HTT: variants seen among roughly 807,000 people sequenced by gnomAD.
The protein encoded by HTT is huntington disease protein.
A neutral mutation model predicts 362.3 loss-of-function variants in HTT; 104 were observed. That is an observed-to-expected ratio of 0.29 (90% CI 0.24 to 0.34). The LOEUF (loss-of-function observed/expected upper bound fraction) is 0.34, where lower values mean the gene tolerates loss of function less well. Ranked by LOEUF, HTT falls within the 10% of genes least tolerant of loss-of-function variation. The probability of loss-of-function intolerance (pLI) is 1.00; values close to 1 mark genes in which losing one functional copy is unlikely to be tolerated. For missense variants in HTT, 3,301 were observed against 3,928.6 expected, an observed-to-expected ratio of 0.84 and a Z score of 4.27; for synonymous variants, 1,577 against 1,548.7, an observed-to-expected ratio of 1.02 and a Z score of -0.43.
chr4:3,216,124 A>G (rs1720386119), intron 51 of HTT, among the ~76,000 whole-genome samples: 1 of 152,136 alleles, frequency 6.6e-6, no homozygotes, highest in Non-Finnish European at 1.5e-5. Context: ...CTTTTGTGCA[A>G]TCCTGGTTGT....
chr4:3,233,321 C>T lies in HTT; in HGVS notation c.8424C>T (p.Asp2808=). The change falls in exon 61 of 67, where the codon GAC becomes GAT. Residue 2808 remains aspartate (D), a synonymous_variant. Transcript: ENST00000355072. ...AGCAGCTCATCCCGGTCATCAGCGA[C>T]TATCTCCTCTCCAACCTGAAAGGGA... ...TAKQLIPVIS[D]YLLSNLKGIA... is the part of the protein sequence containing the mutation. The T allele has an allele frequency of 6.2e-7, 1 of 1,607,782 alleles. No individual in the cohort carries two copies. The highest frequency in any genetic ancestry group is 8.5e-7 in the Non-Finnish European group (1 of 1,175,472).
intron 2 of HTT, among the ~76,000 whole-genome samples, chr4:3,096,299 CAAT>C (rs1283440969): frequency 2.6e-5 from 4 of 152,212 alleles, no homozygotes; most frequent in Non-Finnish European, 5.9e-5. Flanking sequence ...TAGCCGCTCT[CAAT>C]GATTTGTAGA....
Position 3,157,188 on chromosome 4 carries a change from G to A in HTT, c.3742G>A (p.Ala1248Thr), listed in dbSNP as rs376975573. The A allele has an allele frequency of 4.6e-5, 74 of 1,613,058 alleles. No homozygotes were observed. Among genetic ancestry groups the A allele is most frequent in the East Asian group, 2.9e-4 (13 of 44,846 alleles). The stretch of plus-strand genomic sequence containing the variant: ...GCATGATGTCCTGAAAGCTACACAC[G>A]CTAACTACAAGGTATGGGCCTCTGC... ...KLHDVLKATH[A>T]NYKVTLDLQN... The change falls in exon 28 of 67, where the codon GCT becomes ACT. Residue 1248 changes from alanine (A) to threonine (T), a missense_variant. Coordinates refer to ENST00000355072, the MANE Select transcript of HTT (RefSeq NM_001388492.1).
At chr4:3,080,086 C>T (rs1712807583) in intron 1 of HTT, among the ~76,000 whole-genome samples, 1 of 152,042 alleles carries the variant, frequency 6.6e-6, no homozygotes, top group Admixed American at 6.5e-5. Context: ...GTTAAGGAAC[C>T]CAGGCTCTTT....
intron 2 of HTT, among the ~76,000 whole-genome samples, chr4:3,095,726 A>G (rs1431236409): frequency 1.3e-5 from 2 of 152,242 alleles, no homozygotes; most frequent in Admixed American, 1.3e-4. Flanking sequence ...TGATGAAGAT[A>G]CATAGTATAA....
chr4:3,213,822 T>C lies in HTT; in HGVS notation c.6775-136T>C. The stretch of plus-strand genomic sequence containing the variant: ...GAATGTAATGGAGCCATGTCAGAGC[T>C]GTCCTTCTGGAAGGGCAAGGGCACC... On this transcript the variant is annotated intron_variant, in intron 49 of 66. Transcript: ENST00000355072. 6.2e-6 allele frequency: 4 copies of C among 641,488 alleles called. No individual in the cohort carries two copies. In the South Asian group the frequency reaches 7.8e-5, roughly 12 times the overall value. 39.7% of individuals were successfully genotyped at this position (641,488 alleles called of 1,614,324 possible).
chr4:3,222,163 A>C (rs1031027877), intron 53 of HTT, among the ~76,000 whole-genome samples: 2 of 152,138 alleles, frequency 1.3e-5, no homozygotes, highest in African/African-American at 4.8e-5. Context: ...CCTGCCTCTC[A>C]TGTGTCTCGG....
At chr4:3,120,648 A>C (rs1262095479) in intron 8 of HTT, among the ~76,000 whole-genome samples, 2 of 152,218 alleles carry the variant, frequency 1.3e-5, no homozygotes, top group African/African-American at 4.8e-5. Flanking sequence ...TGAGGGGTCT[A>C]GGTTGTGCGC....
chr4:3,108,208 A>G (rs1200575760), intron 6 of HTT, among the ~76,000 whole-genome samples: 1 of 152,250 alleles, frequency 6.6e-6, no homozygotes, highest in Admixed American at 6.5e-5. Flanking sequence ...AAGGGCTTAG[A>G]TGTTAGCTGC....
chr4:3,166,630 C>G (rs1426878289), intron 29 of HTT, among the ~76,000 whole-genome samples: 1 of 152,372 alleles, frequency 6.6e-6, no homozygotes, highest in South Asian at 2.1e-4. Flanking sequence ...ACCACCTACT[C>G]TAGCCTCAGC....
At chr4:3,221,051 A>G (rs1421738079) in intron 53 of HTT, among the ~76,000 whole-genome samples, 3 of 152,152 alleles carry the variant, frequency 2.0e-5, no homozygotes, top group Non-Finnish European at 4.4e-5. Context: ...GTGGGACTGT[A>G]ATCAGTCAGT....
At chr4:3,077,145 T>G (rs891161495) in intron 1 of HTT, among the ~76,000 whole-genome samples, 1 of 152,126 alleles carries the variant, frequency 6.6e-6, no homozygotes, top group Non-Finnish European at 1.5e-5. Flanking sequence ...GCCACTGCAC[T>G]CCAGCCTGGG....
intron 1 of HTT, among the ~76,000 whole-genome samples, chr4:3,078,109 C>T (rs940419302): frequency 6.6e-6 from 1 of 152,206 alleles, no homozygotes; most frequent in African/African-American, 2.4e-5. Flanking sequence ...TGGCTGCAGG[C>T]TCAGCAAATC....
chr4:3,077,193 T>A (rs1394226303), intron 1 of HTT, among the ~76,000 whole-genome samples: 1 of 152,070 alleles, frequency 6.6e-6, no homozygotes, highest in Non-Finnish European at 1.5e-5. Flanking sequence ...AAATTTTTTT[T>A]AATGTATTAT....
chr4:3,207,916 T>G (rs1719943310), intron 45 of HTT, among the ~76,000 whole-genome samples: 1 of 151,988 alleles, frequency 6.6e-6, no homozygotes, highest in Non-Finnish European at 1.5e-5. Context: ...CTTTTACCTT[T>G]TTCCTTCCCT....
chr4:3,075,764 A>G (rs972894606), intron 1 of HTT, among the ~76,000 whole-genome samples: 11 of 151,668 alleles, frequency 7.3e-5, no homozygotes, highest in African/African-American at 2.7e-4. Context: ...CATTTAGTTC[A>G]TGATCACGGT....
chr4:3,148,505 T>G (rs577723063), intron 26 of HTT, among the ~76,000 whole-genome samples: 6 of 151,614 alleles, frequency 4.0e-5, no homozygotes, highest in Non-Finnish European at 8.8e-5. Flanking sequence ...TACAAAAAAT[T>G]AGATGGGTTG....
chr4:3,132,844 C>T lies in HTT; in HGVS notation c.2426C>T (p.Pro809Leu). The part of the protein sequence containing the change: ...GNTFSLADCI[P>L]LLRKTLKDES... Reference sequence around the variant, plus strand: ...ACATTTTCTTTGGCGGATTGCATTCCTTTGCTGCGGAAAACACTGAAGGAT... The same window carrying T: ...ACATTTTCTTTGGCGGATTGCATTCTTTTGCTGCGGAAAACACTGAAGGAT... Residue 809 changes from proline to leucine, a missense_variant, in exon 18 of 67, where the codon CCT becomes CTT. By Grantham distance (98) the Pro-to-Leu change is moderately conservative. Coordinates refer to ENST00000355072, the MANE Select transcript of HTT (RefSeq NM_001388492.1). The T allele has an allele frequency of 2.5e-6, 4 of 1,614,168 alleles. No homozygotes were observed. Among genetic ancestry groups the T allele is most frequent in the Non-Finnish European group, 3.4e-6 (4 of 1,179,984 alleles).
At chr4:3,213,345 A>G (rs1209937550) in intron 49 of HTT, among the ~76,000 whole-genome samples, 3 of 152,236 alleles carry the variant, frequency 2.0e-5, no homozygotes, top group Non-Finnish European at 2.9e-5. Context: ...GAAGTGGGAA[A>G]GTCAGCGTGT....
Sources: allele counts gnomAD v4.1 joint callset (sites outside exome capture counted in the v4.1 genomes callset), GRCh38; gene constraint gnomAD v4.1.1; transcripts MANE v1.5; gene names NCBI Gene and HGNC (gene_info 2026-07-23, HGNC 2026-07-21).